The following ZEB2 variants were observed in gnomAD, a reference collection of about 807,000 sequenced individuals.
ZEB2 encodes zinc finger E-box binding homeobox 2, also known as zinc finger E-box-binding homeobox 2.
ZEB2 carries 6 observed loss-of-function variants against 99.9 expected under a neutral mutation model. The ratio of observed to expected loss-of-function variants is 0.06; its 90% CI spans 0.03 to 0.12. ZEB2 has a LOEUF of 0.12. Ranked by LOEUF, ZEB2 falls within the 10% of genes least tolerant of loss-of-function variation. The probability of loss-of-function intolerance (pLI) is 1.00; values close to 1 mark genes in which losing one functional copy is unlikely to be tolerated. For synonymous variants in ZEB2, 517 were observed against 542.5 expected, an observed-to-expected ratio of 0.95 and a Z score of 0.65; for missense variants, 969 against 1,502.8, an observed-to-expected ratio of 0.64 and a Z score of 5.87.
chr2:144,425,774 G>A (rs939672800), intron 3 of ZEB2, among the ~76,000 whole-genome samples: 2 of 152,096 alleles, frequency 1.3e-5, no homozygotes, highest in Admixed American at 6.6e-5. Context: ...TAAATTAAAC[G>A]TGAAGTTTAA....
rs899292838 is a variant in ZEB2 at position 144,386,816 on chromosome 2, CCATT to C, written c.*2631_*2634del. 6.6e-6 allele frequency: 1 copy of C among 151,808 alleles called. No homozygotes were observed. Among genetic ancestry groups the C allele is most frequent in the African/African-American group, 2.4e-5 (1 of 41,292 alleles). The allele number at this position is 151,808 out of a possible 1,614,324, so 9.4% of individuals were successfully genotyped here. A position where few individuals can be genotyped will look rare whatever the true frequency, so the allele number is the denominator to read the frequency against. On this transcript the variant is annotated 3_prime_UTR_variant, in exon 10 of 10. Coordinates refer to ENST00000627532, the MANE Select transcript of ZEB2 (RefSeq NM_014795.4). Reference sequence around the variant, plus strand: ...AATTTATGTAGTGTATTTATTTGTGCCATTCAAAGAAGGAGAAACGAGGATAGAA... The same window carrying C: ...AATTTATGTAGTGTATTTATTTGTGCCAAAGAAGGAGAAACGAGGATAGAA...
chr2:144,424,325 A>G (rs1156330082), intron 4 of ZEB2: 2 of 517,632 alleles, frequency 3.9e-6, no homozygotes, highest in Non-Finnish European at 7.7e-6. Context: ...GATTAAAAGG[A>G]ACTGAGATGA....
At chr2:144,409,931 A>G (rs1703436552) in intron 4 of ZEB2, among the ~76,000 whole-genome samples, 1 of 142,394 alleles carries the variant, frequency 7.0e-6, no homozygotes, top group South Asian at 2.3e-4. Context: ...TTTTTTTTTG[A>G]GACAGAGTCT....
chr2:144,454,026 T>C (rs1174476976), intron 2 of ZEB2, among the ~76,000 whole-genome samples: 1 of 152,220 alleles, frequency 6.6e-6, no homozygotes, highest in Non-Finnish European at 1.5e-5. Flanking sequence ...GATTCAGTAT[T>C]TGTGACTTTT....
chr2:144,411,452 A>T (rs1703463731), intron 4 of ZEB2, among the ~76,000 whole-genome samples: 1 of 152,190 alleles, frequency 6.6e-6, no homozygotes, highest in Admixed American at 6.5e-5. Context: ...TGACTAATTA[A>T]TAAATGTAAG....
rs151167079 is a variant in ZEB2 at position 144,465,054 on chromosome 2, G to A, written c.74-35028C>T. ...CCTCACTTGTCCAACTCACCTTTCC[G>A]CCAGCTAATTTGGCTTTGGCAATGG... On this transcript the variant is annotated intron_variant, in intron 2 of 9. Transcript: ENST00000627532. Among the ~76,000 whole-genome samples the A allele has an allele frequency of 7.0e-4, 106 of 152,170 alleles. 1 individual carries two copies. The highest frequency in any genetic ancestry group is 3.9e-3 in the East Asian group (20 of 5,184).
chr2:144,400,382 T>TAGAG (rs1703294294), intron 7 of ZEB2, 112 bp from the exon 8 acceptor site: 1 of 1,168,162 alleles, frequency 8.6e-7, no homozygotes, highest in South Asian at 1.3e-5. Flanking sequence ...ATGGGGTACC[T>TAGAG]CTACATTCTA....
At chr2:144,411,767 T>C (rs926930638) in intron 4 of ZEB2, among the ~76,000 whole-genome samples, 3 of 152,198 alleles carry the variant, frequency 2.0e-5, no homozygotes, top group Non-Finnish European at 4.4e-5. Context: ...AATGAGAGTT[T>C]CTCATGTAAG....
chr2:144,488,048 T>C (rs1704623977), intron 2 of ZEB2, among the ~76,000 whole-genome samples: 1 of 152,170 alleles, frequency 6.6e-6, no homozygotes, highest in South Asian at 2.1e-4. Context: ...ATCACATGGA[T>C]GTATCTAAAG....
At chr2:144,519,134 C>G (rs1209565548) in intron 1 of ZEB2, among the ~76,000 whole-genome samples, 1 of 152,110 alleles carries the variant, frequency 6.6e-6, no homozygotes, top group African/African-American at 2.4e-5. Context: ...TATGTGTCTT[C>G]TATTAAATCC....
At chr2:144,408,294 T>C (rs1703414183) in intron 4 of ZEB2, among the ~76,000 whole-genome samples, 1 of 152,192 alleles carries the variant, frequency 6.6e-6, no homozygotes, top group Non-Finnish European at 1.5e-5. Context: ...GGTGTAGAGG[T>C]CTTTTGGTAA....
In ZEB2 at chr2:144,399,590, C is replaced by A; in HGVS notation, c.1597G>T (p.Val533Phe). The change falls in exon 8 of 10, where the codon GTC becomes TTC. Residue 533 changes from valine (V) to phenylalanine (F), a missense_variant. Around this residue, in one of 8 missense-constraint regions of ZEB2, gnomAD observed 227 missense variants for 278.2 expected, o/e 0.82. Coordinates refer to ENST00000627532, the MANE Select transcript of ZEB2 (RefSeq NM_014795.4). This position sits in a 1 kb window ranked among gnomAD's most constrained non-coding sequence, Gnocchi z 5.6. Reference protein sequence around the residue: ...KSIIDYTLEKVNEAKACLQSL... With the variant: ...KSIIDYTLEKFNEAKACLQSL... ...TGGAGGCAAGCTTTGGCTTCATTGA[C>A]TTTTTCCAACGTATAGTCAATAATA... is the stretch of plus-strand genomic sequence containing the variant. The A allele has an allele frequency of 1.9e-6, 3 of 1,614,186 alleles. No individual in the cohort carries two copies. Among genetic ancestry groups the A allele is most frequent in the Non-Finnish European group, 2.5e-6 (3 of 1,180,026 alleles).
chr2:144,402,029 C>T (rs1027009215), intron 6 of ZEB2, among the ~76,000 whole-genome samples: 4 of 152,098 alleles, frequency 2.6e-5, no homozygotes, highest in African/African-American at 9.7e-5. Context: ...TTATCACAGG[C>T]CAGTAGGAAA....
At chr2:144,493,891 G>T (rs1273611838) in intron 2 of ZEB2, among the ~76,000 whole-genome samples, 2 of 152,176 alleles carry the variant, frequency 1.3e-5, no homozygotes, top group African/African-American at 4.8e-5. Context: ...AGTGGCTCAC[G>T]CCTGTAATCC....
intron 3 of ZEB2, 147 bp downstream of exon 3, chr2:144,429,622 T>C: frequency 1.6e-6 from 2 of 1,253,062 alleles, no homozygotes; most frequent in South Asian, 1.3e-5. Context: ...TCATAATCTG[T>C]CACCAGCTTT....
chr2:144,483,942 G>A (rs1431458571), intron 2 of ZEB2, among the ~76,000 whole-genome samples: 1 of 152,154 alleles, frequency 6.6e-6, no homozygotes, highest in Non-Finnish European at 1.5e-5. Context: ...AACCACTATG[G>A]ATTAAGTATA....
intron 4 of ZEB2, among the ~76,000 whole-genome samples, chr2:144,413,288 T>G (rs1473253063): frequency 6.6e-6 from 1 of 152,194 alleles, no homozygotes; most frequent in Non-Finnish European, 1.5e-5. Flanking sequence ...CAGCGCTTAT[T>G]AAATATTTGT....
chr2:144,487,090 T>C (rs1431448095), intron 2 of ZEB2, among the ~76,000 whole-genome samples: 1 of 152,224 alleles, frequency 6.6e-6, no homozygotes, highest in Non-Finnish European at 1.5e-5. Flanking sequence ...TAGAACACAC[T>C]TCTCCCAAAT....
At position 144,384,580 on chromosome 2, in the gene ZEB2, A is replaced by T. The variant is rs1391541214; in HGVS notation, c.*4871T>A. 5 of 151,338 alleles carry T rather than the reference A, an allele frequency of 3.3e-5. No homozygotes were observed. In the South Asian group the frequency reaches 1.1e-3, roughly 32 times the overall value. 9.4% of individuals were successfully genotyped at this position (151,338 alleles called of 1,614,324 possible). The stretch of plus-strand genomic sequence containing the variant: ...TTATACTTCTTTAAATTTAGTATTG[A>T]CATTTTTATTTTGGGAAAGGAGGTC... On this transcript the variant is annotated 3_prime_UTR_variant, in exon 10 of 10. Transcript: ENST00000627532.
Sources: gnomAD v4.1 joint callset for allele counts (sites outside exome capture counted in the v4.1 genomes callset) on GRCh38, gnomAD v4.1.1 for gene constraint, gnomAD v4.1.1 regional missense constraint, Gnocchi (gnomAD v3.1) non-coding constraint, MANE v1.5 for transcripts, NCBI Gene and HGNC (gene_info 2026-07-23, HGNC 2026-07-21) for gene names.